FBXW7: variants seen among roughly 807,000 people sequenced by gnomAD.
FBXW7 encodes F-box and WD repeat domain containing 7.
FBXW7 carries 11 observed loss-of-function variants against 86.3 expected under a neutral mutation model. The observed-to-expected ratio is 0.13, with a 90% CI of 0.08 to 0.21. The LOEUF (loss-of-function observed/expected upper bound fraction) is 0.21. Ranked by LOEUF, FBXW7 falls within the 10% of genes least tolerant of loss-of-function variation. The pLI is 1.00. For missense variants in FBXW7, 488 were observed against 847.4 expected (o/e 0.58, Z 5.27); for synonymous variants, 313 against 297.9 (o/e 1.05, Z -0.52).
intron 8 of FBXW7, among the ~76,000 whole-genome samples, 189 bp from the exon 9 acceptor site, chr4:152,331,057 G>A (rs1476044402): frequency 6.6e-6 from 1 of 151,880 alleles, no homozygotes; most frequent in Non-Finnish European, 1.5e-5. Flanking sequence ...CATTCTATAT[G>A]GCATATTTTT....
chr4:152,475,132 A>G (rs757921201), intron 2 of FBXW7, among the ~76,000 whole-genome samples: 1 of 149,260 alleles, frequency 6.7e-6, no homozygotes, highest in Non-Finnish European at 1.5e-5. Context: ...TTATTTATAT[A>G]TATTAATAAT....
intron 2 of FBXW7, among the ~76,000 whole-genome samples, chr4:152,418,453 G>A (rs192265051): frequency 6.6e-6 from 1 of 152,216 alleles, no homozygotes; most frequent in African/African-American, 2.4e-5. Context: ...TGAGAGTGAG[G>A]AAGGATATCA....
intron 2 of FBXW7, among the ~76,000 whole-genome samples, chr4:152,490,140 G>A (rs1745697433): frequency 6.6e-6 from 1 of 152,070 alleles, no homozygotes; most frequent in Non-Finnish European, 1.5e-5. Context: ...CATAAAGACA[G>A]AGTATAACAT....
chr4:152,469,988 C>A (rs1382965293), intron 2 of FBXW7, among the ~76,000 whole-genome samples: 3 of 151,680 alleles, frequency 2.0e-5, no homozygotes, highest in Non-Finnish European at 4.4e-5. Context: ...GTTGAGATTC[C>A]CTATATAATA....
intron 2 of FBXW7, among the ~76,000 whole-genome samples, chr4:152,443,620 GATTT>G (rs1305934906): frequency 1.3e-5 from 2 of 151,806 alleles, no homozygotes; most frequent in East Asian, 3.9e-4. Context: ...TTTGAAAATT[GATTT>G]TTTTCTCTTC....
intron 2 of FBXW7, among the ~76,000 whole-genome samples, chr4:152,482,515 T>G (rs1185203315): frequency 2.0e-5 from 3 of 152,212 alleles, no homozygotes; most frequent in Admixed American, 6.6e-5. Context: ...CCTCAGTTTT[T>G]CACCACTTCC....
chr4:152,470,914 A>T (rs991164904), intron 2 of FBXW7, among the ~76,000 whole-genome samples: 1 of 152,170 alleles, frequency 6.6e-6, no homozygotes, highest in African/African-American at 2.4e-5. Flanking sequence ...AACATAACAA[A>T]TAAGACATAA....
intron 4 of FBXW7, among the ~76,000 whole-genome samples, chr4:152,386,439 T>C (rs1301712305): frequency 6.6e-6 from 1 of 152,070 alleles, no homozygotes; most frequent in African/African-American, 2.4e-5. Flanking sequence ...TCGATAGTGT[T>C]AATTAAACTG....
chr4:152,505,363 C>T (rs1459010565), intron 2 of FBXW7, among the ~76,000 whole-genome samples: 2 of 152,006 alleles, frequency 1.3e-5, no homozygotes, highest in African/African-American at 2.4e-5. Context: ...TTCTTTCTTC[C>T]GTAATAACCT....
Position 152,456,360 on chromosome 4 carries a change from TAAAAAAAA to T in FBXW7, c.-119-43839_-119-43832del, listed in dbSNP as rs58250889. Among the ~76,000 whole-genome samples the T allele has an allele frequency of 2.1e-4, 15 of 72,120 alleles. 1 individual carries two copies. Among genetic ancestry groups the T allele is most frequent in the Non-Finnish European group, 3.8e-4 (14 of 36,646 alleles). The allele number at this position is 72,120 out of a possible 152,430, so 47.3% of individuals were successfully genotyped here. On this transcript the variant is annotated intron_variant, in intron 2 of 13. Transcript: ENST00000281708. Reference sequence around the variant, plus strand: ...GGCCCTATCTCTTTAAAAAAATCCTTAAAAAAAAAAAAAAAAAAAAAAAAAAACAGCCA... The same window carrying T: ...GGCCCTATCTCTTTAAAAAAATCCTTAAAAAAAAAAAAAAAAAAACAGCCA...
In FBXW7 at chr4:152,457,175, T is replaced by C. The variant is rs1038130805; in HGVS notation, c.-119-44646A>G. On this transcript the variant is annotated intron_variant, in intron 2 of 13. Transcript: ENST00000281708. Reference sequence around the variant, plus strand: ...TCTACCTACATAACATTCAAGAATATACAAACTGACCTACAGTAACAGAAA... The same window carrying C: ...TCTACCTACATAACATTCAAGAATACACAAACTGACCTACAGTAACAGAAA... 2.0e-5 allele frequency among the ~76,000 whole-genome samples: 3 copies of C among 152,150 alleles called. No homozygotes were observed. The East Asian group carries it at 5.8e-4, about 29-fold the overall frequency.
chr4:152,463,963 G>A (rs1156228549), intron 2 of FBXW7, among the ~76,000 whole-genome samples: 1 of 152,162 alleles, frequency 6.6e-6, no homozygotes, highest in Non-Finnish European at 1.5e-5. Context: ...AGAAGTGAAT[G>A]TTAAGCAGCA....
At chr4:152,494,733 C>T (rs371385012) in intron 2 of FBXW7, among the ~76,000 whole-genome samples, 28 of 152,268 alleles carry the variant, frequency 1.8e-4, no homozygotes, top group African/African-American at 6.7e-4. Context: ...ATGAGGAATA[C>T]ACCACTATCT....
At chr4:152,428,827 C>T (rs1739612956) in intron 2 of FBXW7, among the ~76,000 whole-genome samples, 1 of 152,206 alleles carries the variant, frequency 6.6e-6, no homozygotes, top group Non-Finnish European at 1.5e-5. Flanking sequence ...TGCCTAAAAT[C>T]TTACCAATTC....
chr4:152,346,727 G>A, intron 6 of FBXW7: 1 of 572,142 alleles, frequency 1.7e-6, no homozygotes, highest in Non-Finnish European at 2.9e-6. Flanking sequence ...TGTCTCTATG[G>A]ATTTGCCTAT....
intron 4 of FBXW7, among the ~76,000 whole-genome samples, chr4:152,365,408 G>A (rs1311666285): frequency 6.6e-6 from 1 of 152,128 alleles, no homozygotes; most frequent in Non-Finnish European, 1.5e-5. Flanking sequence ...ATTGAGAGTA[G>A]ATGTGGAGAG....
At chr4:152,443,469 CAG>C (rs1295751207) in intron 2 of FBXW7, among the ~76,000 whole-genome samples, 4 of 152,134 alleles carry the variant, frequency 2.6e-5, no homozygotes, top group Non-Finnish European at 4.4e-5. Context: ...TTTTAATCTA[CAG>C]AGTTTTATCG....
chr4:152,421,336 C>G (rs1738921275), intron 2 of FBXW7, among the ~76,000 whole-genome samples: 1 of 152,170 alleles, frequency 6.6e-6, no homozygotes, highest in Non-Finnish European at 1.5e-5. Flanking sequence ...AAACTTTCTC[C>G]ATATCAGCAA....
chr4:152,384,997 T>C (rs548961184), intron 4 of FBXW7, among the ~76,000 whole-genome samples: 5 of 152,178 alleles, frequency 3.3e-5, no homozygotes, highest in African/African-American at 1.2e-4. Context: ...GTGAAACATA[T>C]GTCATATTTT....
Sources: allele counts gnomAD v4.1 joint callset (sites outside exome capture counted in the v4.1 genomes callset), GRCh38; gene constraint gnomAD v4.1.1; transcripts MANE v1.5; gene names NCBI Gene and HGNC (gene_info 2026-07-23, HGNC 2026-07-21).